Variants in COL26A1 observed in about 807,000 individuals in gnomAD.
The protein encoded by COL26A1 is collagen type XXVI alpha 1 chain.
Under a neutral mutation model 59.3 loss-of-function variants are expected in COL26A1, and 41 were observed. The observed-to-expected ratio is 0.69, with a 90% CI of 0.54 to 0.90. The LOEUF (loss-of-function observed/expected upper bound fraction) is 0.90. COL26A1 is among the 40% of genes least tolerant of loss of function. COL26A1 has a pLI of 0.00. For synonymous variants in COL26A1, 266 were observed against 256.0 expected, an observed-to-expected ratio of 1.04 and a Z score of -0.37; for missense variants, 612 against 602.3, an observed-to-expected ratio of 1.02 and a Z score of -0.17.
At chr7:101,371,662 C>T (rs1270930595) in intron 1 of COL26A1, among the ~76,000 whole-genome samples, 1 of 151,982 alleles carries the variant, frequency 6.6e-6, no homozygotes, top group East Asian at 1.9e-4. Context: ...CATGGTGGTG[C>T]ACACTTGTAG....
intron 3 of COL26A1, among the ~76,000 whole-genome samples, chr7:101,465,691 C>CAAAAAAAAAAAAAAAAAA: frequency 9.7e-6 from 1 of 102,676 alleles, no homozygotes; most frequent in South Asian, 3.2e-4. Flanking sequence ...GAAACTGTCT[C>CAAAAAAAAAAAAAAAAAA]AAAAAAAAAA....
intron 2 of COL26A1, among the ~76,000 whole-genome samples, chr7:101,430,480 C>T (rs1311287985): frequency 1.3e-5 from 2 of 151,476 alleles, no homozygotes; most frequent in Non-Finnish European, 2.9e-5. Context: ...TTTTTAGAGA[C>T]GGGTTTCACC....
At chr7:101,390,266 C>G (rs924045556) in intron 1 of COL26A1, among the ~76,000 whole-genome samples, 2 of 150,168 alleles carry the variant, frequency 1.3e-5, no homozygotes, top group African/African-American at 2.5e-5. Flanking sequence ...AGCGATTCTC[C>G]TGCCTCAGCC....
intron 6 of COL26A1, among the ~76,000 whole-genome samples, chr7:101,544,514 A>C (rs1365931796): frequency 1.4e-5 from 2 of 140,804 alleles, no homozygotes; most frequent in South Asian, 2.3e-4. Flanking sequence ...GGCGTGAGCC[A>C]CCACCTCACC....
chr7:101,457,176 G>A (rs866713813), intron 3 of COL26A1, among the ~76,000 whole-genome samples: 2 of 152,124 alleles, frequency 1.3e-5, no homozygotes, highest in African/African-American at 4.8e-5. Context: ...CCAACACTGG[G>A]TGCAAGGCTA....
chr7:101,433,901 A>T (rs1324928228), intron 2 of COL26A1, among the ~76,000 whole-genome samples: 1 of 152,094 alleles, frequency 6.6e-6, no homozygotes, highest in Non-Finnish European at 1.5e-5. Flanking sequence ...GGACTTTACT[A>T]CATGGACCAG....
intron 3 of COL26A1, among the ~76,000 whole-genome samples, chr7:101,517,631 A>G (rs1795056886): frequency 6.6e-6 from 1 of 151,982 alleles, no homozygotes; most frequent in Non-Finnish European, 1.5e-5. Flanking sequence ...CCCTCCCACA[A>G]CATGTGGGAA....
In COL26A1 at chr7:101,549,172, TC is replaced by T; in HGVS notation, c.947del (p.Pro316LeufsTer33). 6.3e-7 allele frequency: 1 copy of T among 1,585,678 alleles called. No individual in the cohort carries two copies. The highest frequency in any genetic ancestry group is 8.6e-7 in the Non-Finnish European group (1 of 1,166,986). ...GACCATCTGTGACTCTGCCCACAGG[TC>T]CCCCTGGGCCTCGAGGTCCCCCAGG... ...GPRGPPGPPG[P>X]PGPRGPPGPP... On this transcript the variant is annotated frameshift_variant and splice_region_variant, in exon 9 of 13. Coordinates refer to ENST00000313669, the MANE Select transcript of COL26A1 (RefSeq NM_001278563.3). LOFTEE classifies it high-confidence loss of function.
chr7:101,554,567 T>TAAAAAAATA (rs1795926200), intron 11 of COL26A1, among the ~76,000 whole-genome samples: 1 of 120,508 alleles, frequency 8.3e-6, no homozygotes, highest in African/African-American at 3.1e-5. Context: ...CCCCATTTCT[T>TAAAAAAATA]AAAAAAAAAA....
intron 3 of COL26A1, among the ~76,000 whole-genome samples, chr7:101,512,090 G>A (rs1359222431): frequency 2.0e-5 from 3 of 152,210 alleles, no homozygotes; most frequent in African/African-American, 7.2e-5. Flanking sequence ...AGCTAAGGAA[G>A]CAGAGGGTTT....
chr7:101,398,859 C>G (rs1791925315), intron 1 of COL26A1, among the ~76,000 whole-genome samples: 1 of 152,156 alleles, frequency 6.6e-6, no homozygotes, highest in East Asian at 1.9e-4. Flanking sequence ...AAATGCCTGG[C>G]TAGGGTAGAT....
intron 1 of COL26A1, among the ~76,000 whole-genome samples, chr7:101,411,440 G>A (rs1792238709): frequency 6.6e-6 from 1 of 152,102 alleles, no homozygotes; most frequent in African/African-American, 2.4e-5. Context: ...GGGCAGGAGG[G>A]GCCGAGGTTC....
At chr7:101,481,286 C>T (rs1224879576) in intron 3 of COL26A1, among the ~76,000 whole-genome samples, 1 of 151,976 alleles carries the variant, frequency 6.6e-6, no homozygotes, top group African/African-American at 2.4e-5. Context: ...GATAGCCACC[C>T]CACCCAAGGT....
intron 2 of COL26A1, among the ~76,000 whole-genome samples, chr7:101,429,588 A>AATTTTT (rs1792729327): frequency 2.0e-5 from 1 of 49,864 alleles, no homozygotes; most frequent in Non-Finnish European, 3.9e-5. Flanking sequence ...TTTCTTTTTT[A>AATTTTT]CTTTTTTTTT....
intron 2 of COL26A1, among the ~76,000 whole-genome samples, chr7:101,428,388 T>C (rs1009255773): frequency 3.3e-5 from 5 of 151,326 alleles, no homozygotes; most frequent in African/African-American, 7.3e-5. Flanking sequence ...AAGAGAATGA[T>C]ATTTATTTGA....
At chr7:101,462,719 C>T (rs1789153597) in intron 3 of COL26A1, among the ~76,000 whole-genome samples, 1 of 152,126 alleles carries the variant, frequency 6.6e-6, no homozygotes, top group African/African-American at 2.4e-5. Context: ...ATGCTTCCGG[C>T]CCCCGGTGAC....
chr7:101,484,410 G>A (rs138811861), intron 3 of COL26A1, among the ~76,000 whole-genome samples: 3,055 of 151,774 alleles, frequency 0.02, 112 homozygotes, highest in African/African-American at 0.07. Flanking sequence ...TCCCTGTGTC[G>A]CCCAGGCTGG....
intron 1 of COL26A1, among the ~76,000 whole-genome samples, chr7:101,367,590 G>A (rs1399937276): frequency 6.6e-6 from 1 of 151,808 alleles, no homozygotes; most frequent in Admixed American, 6.6e-5. Flanking sequence ...GCTTAAGCCC[G>A]GGAGGCGGAG....
At chr7:101,503,476 G>A (rs1794744982) in intron 3 of COL26A1, among the ~76,000 whole-genome samples, 1 of 152,084 alleles carries the variant, frequency 6.6e-6, no homozygotes, top group Admixed American at 6.6e-5. Flanking sequence ...TCAAATTCCT[G>A]GGCTCAAGGG....
Sources: allele counts gnomAD v4.1 joint callset (sites outside exome capture counted in the v4.1 genomes callset), GRCh38; gene constraint gnomAD v4.1.1; transcripts MANE v1.5; gene names NCBI Gene and HGNC (gene_info 2026-07-23, HGNC 2026-07-21).